Variants in OLFML2B observed in about 807,000 individuals in gnomAD.
OLFML2B encodes olfactomedin like 2B.
Under a neutral mutation model 74.9 loss-of-function variants are expected in OLFML2B, and 57 were observed. The observed-to-expected ratio is 0.76, with a 90% CI of 0.61 to 0.95. The LOEUF is 0.95. Among genes scored for constraint, OLFML2B ranks in the 40% least tolerant of loss-of-function variants. The pLI is 0.00. For missense variants in OLFML2B, 986 were observed against 970.6 expected, an observed-to-expected ratio of 1.02 and a Z score of -0.21; for synonymous variants, 388 against 405.8, an observed-to-expected ratio of 0.96 and a Z score of 0.53.
chr1:162,017,191 A>G (rs1690563854), intron 3 of OLFML2B, among the ~76,000 whole-genome samples: 1 of 152,224 alleles, frequency 6.6e-6, no homozygotes, highest in Non-Finnish European at 1.5e-5. Flanking sequence ...AAGAAGGTAC[A>G]GTATTGGCAT....
At chr1:162,020,869 T>C (rs980289692) in intron 1 of OLFML2B, among the ~76,000 whole-genome samples, 1 of 152,152 alleles carries the variant, frequency 6.6e-6, no homozygotes, top group African/African-American at 2.4e-5. Context: ...GATTGAAAAG[T>C]TGGTATTCAA....
At position 161,998,041 on chromosome 1, in the gene OLFML2B, T is replaced by C; in HGVS notation, c.1258A>G (p.Thr420Ala). The change falls in exon 6 of 8, where the codon ACT becomes GCT. Residue 420 changes from threonine (T) to alanine (A), a missense_variant. Coordinates refer to ENST00000294794, the MANE Select transcript of OLFML2B (RefSeq NM_015441.3). ...TGCTGGGTGGCTGTGTGGGCCACAG[T>C]GGTGGCTGGTACCTGAGGAGAAGGC... ...LQPSPQVPAT[T>A]VAHTATQQPA... The C allele has an allele frequency of 6.2e-7, 1 of 1,614,046 alleles. No homozygotes were observed.
intron 3 of OLFML2B, among the ~76,000 whole-genome samples, chr1:162,011,903 C>G (rs548341005): frequency 3.3e-5 from 5 of 152,344 alleles, no homozygotes; most frequent in African/African-American, 1.2e-4. Context: ...AGGGCTGACA[C>G]TCGCACTGTA....
chr1:161,983,752 A>G lies in OLFML2B; in HGVS notation c.2176T>C (p.Tyr726His), dbSNP rs1438647058. ...NEYSYTTQID[Y>H]NPKDRLLYAW... The stretch of plus-strand genomic sequence containing the variant: ...TAGAGCAGGCGGTCCTTGGGGTTGT[A>G]GTCTATCTGGGTCGTATAGGAATAC... The change falls in exon 8 of 8, where the codon TAC becomes CAC. Residue 726 changes from tyrosine to histidine, a missense_variant. Tyr to His is a moderately conservative substitution (Grantham distance 83). Transcript: ENST00000294794. 6.2e-7 allele frequency: 1 copy of G among 1,613,822 alleles called. No homozygotes were observed. Among genetic ancestry groups the G allele is most frequent in the Non-Finnish European group, 8.5e-7 (1 of 1,180,002 alleles).
chr1:161,989,994 C>T (rs1689691481), intron 6 of OLFML2B, among the ~76,000 whole-genome samples: 1 of 152,142 alleles, frequency 6.6e-6, no homozygotes, highest in African/African-American at 2.4e-5. Flanking sequence ...GTGTTACTTC[C>T]CTGTATTAGA....
chr1:161,997,408 T>C (rs1689941446), intron 6 of OLFML2B, among the ~76,000 whole-genome samples: 1 of 152,210 alleles, frequency 6.6e-6, no homozygotes, highest in South Asian at 2.1e-4. Flanking sequence ...GCTCTCACTC[T>C]ACTACAAATC....
intron 6 of OLFML2B, among the ~76,000 whole-genome samples, chr1:161,990,327 A>G (rs987192846): frequency 1.3e-5 from 2 of 152,256 alleles, no homozygotes; most frequent in African/African-American, 4.8e-5. Flanking sequence ...TGTATAATTC[A>G]TGCTAGTAAA....
intron 7 of OLFML2B, 52 bp from the exon 8 acceptor site, chr1:161,984,328 G>A: frequency 2.0e-6 from 3 of 1,509,186 alleles, no homozygotes; most frequent in South Asian, 1.3e-5. Flanking sequence ...CAGAGGGTGG[G>A]CAGCCCATGT....
At chr1:161,998,841 G>A (rs1424340595) in intron 5 of OLFML2B, among the ~76,000 whole-genome samples, 2 of 152,208 alleles carry the variant, frequency 1.3e-5, no homozygotes, top group African/African-American at 4.8e-5. Context: ...GAAGGGAAGG[G>A]AAACTTGCAG....
chr1:162,011,753 C>A (rs940829941), intron 3 of OLFML2B, among the ~76,000 whole-genome samples: 14 of 152,202 alleles, frequency 9.2e-5, no homozygotes, highest in African/African-American at 3.4e-4. Context: ...GAAAGTCAAA[C>A]AAGGCAACAG....
intron 7 of OLFML2B, 30 bp from the exon 8 acceptor site, chr1:161,984,306 A>T (rs1424355090): frequency 2.0e-6 from 3 of 1,514,430 alleles, no homozygotes; most frequent in East Asian, 4.6e-5. Context: ...AGGAGGCTTC[A>T]GAGTGGCATG....
intron 3 of OLFML2B, among the ~76,000 whole-genome samples, chr1:162,006,976 G>A (rs1441978239): frequency 6.6e-6 from 1 of 152,180 alleles, no homozygotes; most frequent in Admixed American, 6.5e-5. Flanking sequence ...TTTTTAGTGA[G>A]CACAAACCAT....
At chr1:162,013,504 T>G (rs756881192) in intron 3 of OLFML2B, among the ~76,000 whole-genome samples, 3 of 152,178 alleles carry the variant, frequency 2.0e-5, no homozygotes, top group Non-Finnish European at 4.4e-5. Flanking sequence ...TGAGGATGTG[T>G]GCAGAACTTT....
rs1553251155 is a variant in OLFML2B at position 162,017,361 on chromosome 1, C to A, written c.546+39G>T. On this transcript the variant is annotated intron_variant, in intron 3 of 7. Coordinates refer to ENST00000294794, the MANE Select transcript of OLFML2B (RefSeq NM_015441.3). ...GGGACGTTTGATATGCTTTTGGGCT[C>A]AATCAAGAAAAAGATATAGAAACCA... 4 of 1,508,302 alleles carry A rather than the reference C, an allele frequency of 2.7e-6. No homozygotes were observed. The South Asian group carries it at 3.4e-5, about 13-fold the overall frequency. The allele number at this position is 1,508,302 out of a possible 1,614,324, so 93.4% of individuals were successfully genotyped here.
In OLFML2B at chr1:161,984,278, T is replaced by C; in HGVS notation, c.1652-2A>G. On this transcript the variant is annotated splice_acceptor_variant, in intron 7 of 7. Coordinates refer to ENST00000294794, the MANE Select transcript of OLFML2B (RefSeq NM_015441.3). LOFTEE classifies it high-confidence loss of function. ...GCTTGTAGGAATTGCTCCAGCGACC[T>C]GCAGGTGGGGAGAAAACAGGAGGCT... The C allele has an allele frequency of 2.0e-6, 3 of 1,517,962 alleles. No individual in the cohort carries two copies. Among genetic ancestry groups the C allele is most frequent in the Non-Finnish European group, 2.6e-6 (3 of 1,133,864 alleles). The allele number at this position is 1,517,962 out of a possible 1,614,324, so 94.0% of individuals were successfully genotyped here.
At chr1:162,008,946 C>G (rs1690304067) in intron 3 of OLFML2B, among the ~76,000 whole-genome samples, 1 of 152,174 alleles carries the variant, frequency 6.6e-6, no homozygotes, top group Admixed American at 6.5e-5. Context: ...CTGCTGAGAG[C>G]AACACCTGTG....
In OLFML2B at chr1:162,000,843, T is replaced by A. The variant is rs1690063939; in HGVS notation, c.724-505A>T. Among the ~76,000 whole-genome samples, 3 of 152,158 alleles carry A rather than the reference T, an allele frequency of 2.0e-5. No individual in the cohort carries two copies. The South Asian group carries it at 6.2e-4, about 32-fold the overall frequency. On this transcript the variant is annotated intron_variant, in intron 4 of 7. Transcript: ENST00000294794. Reference sequence around the variant, plus strand: ...GATGCACACCGCCTCAGGATGAAGCTTGTTACAGCAATCAAAATGGGCTTC... The same window carrying A: ...GATGCACACCGCCTCAGGATGAAGCATGTTACAGCAATCAAAATGGGCTTC...
intron 6 of OLFML2B, 84 bp downstream of exon 6, chr1:161,997,741 C>T: frequency 2.1e-6 from 3 of 1,422,842 alleles, no homozygotes; most frequent in Non-Finnish European, 2.9e-6. Context: ...CCATCTGGTG[C>T]CTCCCTCTCC....
chr1:162,010,320 G>A lies in OLFML2B; in HGVS notation c.547-3847C>T, dbSNP rs749765692. ...TTGGGCACTGGAGGGTGCCTGATGG[G>A]AACAGGTGTCCACTGGTGCCACACT... On this transcript the variant is annotated intron_variant, in intron 3 of 7. Transcript: ENST00000294794. 2.5e-4 allele frequency among the ~76,000 whole-genome samples: 38 copies of A among 152,340 alleles called. 1 individual carries two copies. The Middle Eastern group carries it at 0.027, about 109-fold the overall frequency.
Sources: allele counts gnomAD v4.1 joint callset (sites outside exome capture counted in the v4.1 genomes callset), GRCh38; gene constraint gnomAD v4.1.1; transcripts MANE v1.5; gene names NCBI Gene and HGNC (gene_info 2026-07-23, HGNC 2026-07-21).